PHACTR1: variants seen among roughly 807,000 people sequenced by gnomAD.
PHACTR1 encodes the protein RPEL repeat containing 1.
PHACTR1 carries 16 observed loss-of-function variants against 69.2 expected under a neutral mutation model. That is an observed-to-expected ratio of 0.23 (90% CI 0.16 to 0.35). PHACTR1 has a LOEUF of 0.35. Ranked by LOEUF, PHACTR1 falls within the 10% of genes least tolerant of loss-of-function variation. PHACTR1 has a pLI of 1.00. For synonymous variants in PHACTR1, 312 were observed against 284.5 expected, an observed-to-expected ratio of 1.10 and a Z score of -0.97; for missense variants, 510 against 734.7, an observed-to-expected ratio of 0.69 and a Z score of 3.54.
intron 8 of PHACTR1, among the ~76,000 whole-genome samples, chr6:13,223,812 A>T (rs1326655609): frequency 6.6e-6 from 1 of 152,120 alleles, no homozygotes; most frequent in Non-Finnish European, 1.5e-5. Flanking sequence ...TGTGTGTGAA[A>T]ATTACACATT....
At chr6:13,161,383 A>G (rs552624781) in intron 6 of PHACTR1, among the ~76,000 whole-genome samples, 15 of 152,024 alleles carry the variant, frequency 9.9e-5, no homozygotes, top group African/African-American at 3.4e-4. Flanking sequence ...TCTCACTCTG[A>G]GGACCACACT....
chr6:12,944,084 A>C (rs553500386), intron 4 of PHACTR1, among the ~76,000 whole-genome samples: 1 of 152,340 alleles, frequency 6.6e-6, no homozygotes, highest in Admixed American at 6.5e-5. Context: ...CCTTTTGTTA[A>C]TTAAGAGACA....
chr6:12,856,789 A>G (rs1780417144), intron 4 of PHACTR1, among the ~76,000 whole-genome samples: 1 of 152,202 alleles, frequency 6.6e-6, no homozygotes, highest in Non-Finnish European at 1.5e-5. Context: ...GCCCTTGGCC[A>G]GTCTAAACAA....
chr6:13,188,197 A>G (rs999669824), intron 7 of PHACTR1, among the ~76,000 whole-genome samples: 1 of 152,248 alleles, frequency 6.6e-6, no homozygotes, highest in Non-Finnish European at 1.5e-5. Flanking sequence ...AACATGATAA[A>G]GTAAGACAGG....
intron 8 of PHACTR1, among the ~76,000 whole-genome samples, chr6:13,220,497 G>C (rs1768437602): frequency 6.6e-6 from 1 of 152,174 alleles, no homozygotes; most frequent in African/African-American, 2.4e-5. Context: ...TGGACAGTCT[G>C]AATTAAAGTG....
chr6:13,178,728 A>G (rs1287989747), intron 6 of PHACTR1, among the ~76,000 whole-genome samples: 2 of 152,244 alleles, frequency 1.3e-5, no homozygotes, highest in African/African-American at 4.8e-5. Flanking sequence ...CAAAGCCATT[A>G]TCACAGATGA....
chr6:13,273,083 C>A, intron 11 of PHACTR1, 168 bp downstream of exon 11: 5 of 999,892 alleles, frequency 5.0e-6, no homozygotes, highest in Non-Finnish European at 7.3e-6. Context: ...ACGACCTCCC[C>A]AAAGAGAAGG....
chr6:12,728,162 A>T (rs986625762), intron 3 of PHACTR1, among the ~76,000 whole-genome samples: 24 of 151,998 alleles, frequency 1.6e-4, no homozygotes, highest in African/African-American at 4.8e-4. Flanking sequence ...AAATATATAT[A>T]TTTTTAATTA....
At chr6:13,249,063 G>C (rs1773982087) in intron 10 of PHACTR1, among the ~76,000 whole-genome samples, 1 of 152,202 alleles carries the variant, frequency 6.6e-6, no homozygotes, top group Non-Finnish European at 1.5e-5. Context: ...TTGATTAACT[G>C]TTCGTGGCTT....
At chr6:12,862,232 G>A (rs1482989522) in intron 4 of PHACTR1, among the ~76,000 whole-genome samples, 7 of 152,182 alleles carry the variant, frequency 4.6e-5, no homozygotes, top group African/African-American at 9.7e-5. Flanking sequence ...CACCAGTATC[G>A]GGGTATAGGC....
At chr6:13,001,364 C>T (rs1021081950) in intron 4 of PHACTR1, among the ~76,000 whole-genome samples, 4 of 152,066 alleles carry the variant, frequency 2.6e-5, no homozygotes, top group Non-Finnish European at 4.4e-5. Context: ...GCACTGTATT[C>T]GGAGGAAGTG....
At chr6:13,093,550 A>G (rs1161478202) in intron 5 of PHACTR1, among the ~76,000 whole-genome samples, 2 of 152,328 alleles carry the variant, frequency 1.3e-5, no homozygotes, top group East Asian at 1.9e-4. Context: ...TTTCAGGCCA[A>G]TTTAGTTAGT....
chr6:13,020,635 G>A (rs550785387), intron 4 of PHACTR1, among the ~76,000 whole-genome samples: 2 of 152,292 alleles, frequency 1.3e-5, no homozygotes, highest in Non-Finnish European at 2.9e-5. Flanking sequence ...AAAGACCAAG[G>A]GTAGAGAAAG....
intron 4 of PHACTR1, among the ~76,000 whole-genome samples, chr6:12,984,040 A>C (rs917644983): frequency 6.6e-6 from 1 of 152,204 alleles, no homozygotes; most frequent in African/African-American, 2.4e-5. Flanking sequence ...AGCATGATTT[A>C]TAATCCTTTG....
At chr6:12,991,487 A>G (rs1344388997) in intron 4 of PHACTR1, among the ~76,000 whole-genome samples, 2 of 152,228 alleles carry the variant, frequency 1.3e-5, no homozygotes, top group Admixed American at 6.5e-5. Flanking sequence ...GGCCGGCAAT[A>G]CAGAAAAGTG....
chr6:12,769,882 T>C (rs891896928), intron 4 of PHACTR1, among the ~76,000 whole-genome samples: 1 of 152,338 alleles, frequency 6.6e-6, no homozygotes, highest in Non-Finnish European at 1.5e-5. Context: ...GAGCCTTGGC[T>C]GAAGCAATTT....
At chr6:12,979,196 G>T (rs749055566) in intron 4 of PHACTR1, among the ~76,000 whole-genome samples, 4 of 152,240 alleles carry the variant, frequency 2.6e-5, no homozygotes, top group Non-Finnish European at 1.5e-5. Context: ...TCTTCAGGTG[G>T]AGGAGGCGGA....
intron 4 of PHACTR1, among the ~76,000 whole-genome samples, chr6:13,048,554 G>GTGTGTGTGTGTGTGTGTGTGTGTGTGT (rs1561749368): frequency 6.6e-6 from 1 of 151,146 alleles, no homozygotes; most frequent in African/African-American, 2.4e-5. Context: ...GTGTGTGTGT[G>GTGTGTGTGTGTGTGTGTGTGTGTGTGT]ATGGAGTTTC....
At chr6:12,935,496 G>C (rs896305061) in intron 4 of PHACTR1, among the ~76,000 whole-genome samples, 15 of 152,008 alleles carry the variant, frequency 9.9e-5, no homozygotes, top group African/African-American at 3.6e-4. Flanking sequence ...TGCCTGCCTC[G>C]GCCTCCCAAA....
Sources: gnomAD v4.1 joint callset for allele counts (sites outside exome capture counted in the v4.1 genomes callset) on GRCh38, gnomAD v4.1.1 for gene constraint, MANE v1.5 for transcripts, NCBI Gene and HGNC (gene_info 2026-07-23, HGNC 2026-07-21) for gene names.